The following BMPR1B variants were observed in gnomAD, a reference collection of about 807,000 sequenced individuals.
BMPR1B encodes bone morphogenetic protein receptor type-1B.
A neutral mutation model predicts 59.1 loss-of-function variants in BMPR1B; 12 were observed. The ratio of observed to expected loss-of-function variants is 0.20; its 90% confidence interval spans 0.13 to 0.33. The LOEUF is 0.33. Ranked by LOEUF, BMPR1B falls within the 10% of genes least tolerant of loss-of-function variation. The pLI, the probability that BMPR1B is intolerant of heterozygous loss-of-function variation, is 1.00. For missense variants in BMPR1B, 550 were observed against 610.9 expected, an observed-to-expected ratio of 0.90 and a Z score of 1.05; for synonymous variants, 237 against 207.3, an observed-to-expected ratio of 1.14 and a Z score of -1.23.
chr4:94,907,822 A>C (rs1461849481), intron 2 of BMPR1B, among the ~76,000 whole-genome samples: 1 of 150,740 alleles, frequency 6.6e-6, no homozygotes, highest in Non-Finnish European at 1.5e-5. Context: ...CTAATTTAAT[A>C]CTCCTTTTTC....
In BMPR1B at chr4:95,041,569, C is replaced by G. The variant is rs887108702; in HGVS notation, c.-18+45435C>G. Among the ~76,000 whole-genome samples the G allele has an allele frequency of 5.9e-5, 9 of 151,920 alleles. No individual in the cohort carries two copies. The East Asian group carries it at 1.6e-3, about 26-fold the overall frequency. ...AGTCATGTTTGCTGAGTGAATCTTACCAGCCTCCCAGATTCTTGGAGTCCT... is the reference window on the plus strand; with the variant it reads ...AGTCATGTTTGCTGAGTGAATCTTAGCAGCCTCCCAGATTCTTGGAGTCCT... On this transcript the variant is annotated intron_variant, in intron 3 of 12. Transcript: ENST00000515059.
chr4:95,051,818 TAG>T, intron 3 of BMPR1B: 1 of 1,516,476 alleles, frequency 6.6e-7, no homozygotes, highest in Non-Finnish European at 8.8e-7. Flanking sequence ...GGGGCTGAGT[TAG>T]AGTCTGATTT....
intron 1 of BMPR1B, among the ~76,000 whole-genome samples, chr4:94,838,608 C>T (rs1334454957): frequency 1.4e-5 from 2 of 139,890 alleles, no homozygotes; most frequent in African/African-American, 5.4e-5. Context: ...TGGTGATATC[C>T]CCTTTATCAT....
At chr4:94,871,570 T>G (rs1423264667) in intron 1 of BMPR1B, among the ~76,000 whole-genome samples, 1 of 152,188 alleles carries the variant, frequency 6.6e-6, no homozygotes, top group Non-Finnish European at 1.5e-5. Flanking sequence ...AAGAAAAAAC[T>G]TAATTTTACA....
intron 1 of BMPR1B, among the ~76,000 whole-genome samples, chr4:94,859,803 G>A (rs1334286150): frequency 1.3e-5 from 2 of 151,952 alleles, no homozygotes; most frequent in Admixed American, 1.3e-4. Flanking sequence ...TAATATTTTG[G>A]CTCAGACTGT....
intron 10 of BMPR1B, among the ~76,000 whole-genome samples, chr4:95,142,556 C>T (rs185260670): frequency 1.2e-4 from 18 of 152,130 alleles, no homozygotes; most frequent in Non-Finnish European, 1.8e-4. Flanking sequence ...CTGTCTATTA[C>T]GTTTTTTTAC....
chr4:94,849,692 C>T (rs10005096), intron 1 of BMPR1B, among the ~76,000 whole-genome samples: 93,440 of 151,028 alleles, frequency 0.62, 29,994 homozygotes, highest in African/African-American at 0.8. Context: ...AGGTACACAG[C>T]CTGTTTATCC....
At chr4:94,809,868 T>G (rs1244039559) in intron 1 of BMPR1B, among the ~76,000 whole-genome samples, 1 of 152,250 alleles carries the variant, frequency 6.6e-6, no homozygotes, top group Non-Finnish European at 1.5e-5. Flanking sequence ...GTCCAGCATT[T>G]ACCCTGAGGA....
At chr4:94,869,987 A>G (rs954363222) in intron 1 of BMPR1B, among the ~76,000 whole-genome samples, 6 of 152,224 alleles carry the variant, frequency 3.9e-5, no homozygotes, top group African/African-American at 1.4e-4. Flanking sequence ...TTTATGGGCA[A>G]TAGGGTTGAA....
At chr4:94,951,461 T>C (rs1294591825) in intron 2 of BMPR1B, among the ~76,000 whole-genome samples, 3 of 152,154 alleles carry the variant, frequency 2.0e-5, no homozygotes, top group Non-Finnish European at 4.4e-5. Flanking sequence ...GTATCTAGTG[T>C]ATTGAGTGTT....
At chr4:94,991,346 G>A (rs1400446134) in intron 2 of BMPR1B, among the ~76,000 whole-genome samples, 2 of 152,138 alleles carry the variant, frequency 1.3e-5, no homozygotes, top group African/African-American at 4.8e-5. Context: ...GTTTATTTTA[G>A]TAATTTATCT....
intron 3 of BMPR1B, among the ~76,000 whole-genome samples, chr4:95,099,718 A>G (rs1248226872): frequency 1.3e-5 from 2 of 152,194 alleles, no homozygotes; most frequent in African/African-American, 2.4e-5. Context: ...CCGCGTAGCA[A>G]CTACACCTAT....
At chr4:95,022,969 G>GT (rs1364960611) in intron 3 of BMPR1B, among the ~76,000 whole-genome samples, 1 of 152,130 alleles carries the variant, frequency 6.6e-6, no homozygotes, top group African/African-American at 2.4e-5. Flanking sequence ...AAGCCACCCT[G>GT]TTAGCAGGGC....
chr4:94,944,091 T>C (rs775584589), intron 2 of BMPR1B, among the ~76,000 whole-genome samples: 2 of 152,096 alleles, frequency 1.3e-5, no homozygotes, highest in African/African-American at 4.8e-5. Context: ...CCTCAGGCAA[T>C]ATGTATAAGG....
At chr4:95,152,897 C>T (rs985254614) in intron 12 of BMPR1B, 124 bp downstream of exon 12, 2 of 1,216,688 alleles carry the variant, frequency 1.6e-6, no homozygotes, top group African/African-American at 3.0e-5. Flanking sequence ...GATGGCGCCT[C>T]ATTGCAGTAA....
intron 2 of BMPR1B, among the ~76,000 whole-genome samples, chr4:94,891,426 A>G (rs1727388798): frequency 6.6e-6 from 1 of 152,134 alleles, no homozygotes; most frequent in Admixed American, 6.6e-5. Flanking sequence ...GTTTTTGTAC[A>G]TGTAAAATTA....
chr4:95,139,287 G>T (rs188033155), intron 10 of BMPR1B, among the ~76,000 whole-genome samples: 1 of 152,154 alleles, frequency 6.6e-6, no homozygotes, highest in Non-Finnish European at 1.5e-5. Context: ...CTTCGTCTCA[G>T]AGGGGCACCT....
In BMPR1B at chr4:94,988,959, G is replaced by A. The variant is rs180953281; in HGVS notation, c.-112-7081G>A. ...TTCTCCTCATTCATTTACACTGAGC[G>A]TCACCTGTTCCCTCAGGTGAAAAAT... is the stretch of plus-strand genomic sequence containing the variant. On this transcript the variant is annotated intron_variant, in intron 2 of 12. Coordinates refer to ENST00000515059, the MANE Select transcript of BMPR1B (RefSeq NM_001203.3). 9.9e-5 allele frequency among the ~76,000 whole-genome samples: 15 copies of A among 152,110 alleles called. No homozygotes were observed. The East Asian group carries it at 2.3e-3, about 23-fold the overall frequency.
chr4:94,846,227 C>T (rs61352548), intron 1 of BMPR1B, among the ~76,000 whole-genome samples: 5,309 of 152,228 alleles, frequency 0.035, 153 homozygotes, highest in African/African-American at 0.078. Context: ...CCAGTCTCTT[C>T]AAGAAATGGT....
Sources: allele counts gnomAD v4.1 joint callset (sites outside exome capture counted in the v4.1 genomes callset), GRCh38; gene constraint gnomAD v4.1.1; transcripts MANE v1.5; gene names NCBI Gene and HGNC (gene_info 2026-07-23, HGNC 2026-07-21).